The following GRK5 variants were observed in gnomAD, a reference collection of about 807,000 sequenced individuals.
GRK5 encodes the protein G protein-coupled receptor kinase 5.
GRK5 carries 40 observed loss-of-function variants against 78.4 expected under a neutral mutation model. That is an observed-to-expected ratio of 0.51 (90% CI 0.40 to 0.66). GRK5 has a LOEUF of 0.66. GRK5 is among the 30% of genes least tolerant of loss of function. The pLI, the probability that GRK5 is intolerant of heterozygous loss-of-function variation, is 0.00. For synonymous variants in GRK5, 289 were observed against 296.8 expected, an observed-to-expected ratio of 0.97 and a Z score of 0.27; for missense variants, 598 against 759.9, an observed-to-expected ratio of 0.79 and a Z score of 2.50.
intron 1 of GRK5, among the ~76,000 whole-genome samples, chr10:119,303,475 A>G (rs1850219247): frequency 6.6e-6 from 1 of 152,146 alleles, no homozygotes; most frequent in Admixed American, 6.5e-5. Context: ...TGCGATGAGC[A>G]TGAGCCGCAA....
intron 3 of GRK5, among the ~76,000 whole-genome samples, chr10:119,385,764 C>T (rs74157669): frequency 0.015 from 2,325 of 152,252 alleles, 61 homozygotes; most frequent in African/African-American, 0.052. Context: ...TTTAGGCACA[C>T]GCGCCTTGGG....
At chr10:119,247,327 G>C (rs1400744933) in intron 1 of GRK5, among the ~76,000 whole-genome samples, 1 of 152,208 alleles carries the variant, frequency 6.6e-6, no homozygotes, top group East Asian at 1.9e-4. Flanking sequence ...TGACCTGGAG[G>C]CTGGATTTAA....
chr10:119,219,140 G>A (rs376046490), intron 1 of GRK5, among the ~76,000 whole-genome samples: 1 of 151,932 alleles, frequency 6.6e-6, no homozygotes, highest in Non-Finnish European at 1.5e-5. Flanking sequence ...TCCCTGCCTC[G>A]GCCTCCCAAA....
At chr10:119,245,743 C>T (rs540817507) in intron 1 of GRK5, among the ~76,000 whole-genome samples, 5 of 152,146 alleles carry the variant, frequency 3.3e-5, no homozygotes, top group South Asian at 4.2e-4. Flanking sequence ...TAAGGCCGGG[C>T]GCGGTGGCTC....
intron 4 of GRK5, among the ~76,000 whole-genome samples, chr10:119,407,605 A>G (rs1000954187): frequency 3.9e-5 from 6 of 152,256 alleles, no homozygotes; most frequent in Non-Finnish European, 2.9e-5. Flanking sequence ...CACCTACTGT[A>G]TGCGACATGC....
intron 2 of GRK5, among the ~76,000 whole-genome samples, chr10:119,345,924 CT>C (rs1205304483): frequency 6.6e-6 from 1 of 151,888 alleles, no homozygotes; most frequent in Non-Finnish European, 1.5e-5. Flanking sequence ...GCTGCATCCT[CT>C]GTCCTCTCCA....
intron 1 of GRK5, among the ~76,000 whole-genome samples, chr10:119,246,779 C>T (rs913276183): frequency 6.6e-6 from 1 of 152,206 alleles, no homozygotes; most frequent in Non-Finnish European, 1.5e-5. Flanking sequence ...CTGCACCTTC[C>T]AAAGCAGGTG....
At chr10:119,402,105 A>G (rs1419934210) in intron 4 of GRK5, among the ~76,000 whole-genome samples, 1 of 152,166 alleles carries the variant, frequency 6.6e-6, no homozygotes, top group Non-Finnish European at 1.5e-5. Context: ...AGCAACACTC[A>G]TCACTTCCTC....
In GRK5 at chr10:119,431,731, C is replaced by T. The variant is rs944583319; in HGVS notation, c.738+204C>T. Among the ~76,000 whole-genome samples the T allele has an allele frequency of 3.3e-5, 5 of 152,240 alleles. No homozygotes were observed. The highest frequency in any genetic ancestry group is 5.9e-5 in the Non-Finnish European group (4 of 68,040). On this transcript the variant is annotated intron_variant, in intron 8 of 15. Coordinates refer to ENST00000392870, the MANE Select transcript of GRK5 (RefSeq NM_005308.3). The surrounding 1 kb of genome is among the most constrained non-coding windows in gnomAD (Gnocchi z 4.8). ...TGGTCGACTGTGGCTGGCTTTGTCC[C>T]ATCCCCAGAGCCGGCCAGTGCCTGG...
In GRK5 at chr10:119,207,989, C is replaced by A. The variant is rs924078874; in HGVS notation, c.52+20C>A. ...GGGAAGGTAAGAGGCAGGGCCGGTA[C>A]GTGCCCGGCGCGTCCGCCGCGGGCC... is the stretch of plus-strand genomic sequence containing the variant. On this transcript the variant is annotated intron_variant, in intron 1 of 15. Transcript: ENST00000392870. The A allele has an allele frequency of 3.8e-6, 6 of 1,598,932 alleles. No homozygotes were observed. The African/African-American group carries it at 6.9e-5, about 18-fold the overall frequency.
chr10:119,311,914 ATTTT>A (rs1554905357), intron 1 of GRK5, among the ~76,000 whole-genome samples: 106 of 137,820 alleles, frequency 7.7e-4, no homozygotes, highest in African/African-American at 2.6e-3. Context: ...TGAATTGTTC[ATTTT>A]TTTTTTTTTT....
intron 3 of GRK5, among the ~76,000 whole-genome samples, chr10:119,390,990 C>T (rs1483305868): frequency 6.6e-6 from 1 of 152,214 alleles, no homozygotes; most frequent in African/African-American, 2.4e-5. Context: ...AGATGCAGCC[C>T]CCCTTCCCTC....
intron 1 of GRK5, among the ~76,000 whole-genome samples, chr10:119,256,283 C>CCA (rs1564865713): frequency 6.6e-6 from 1 of 152,118 alleles, no homozygotes; most frequent in Admixed American, 6.5e-5. Context: ...GCGGACCCCC[C>CCA]CACACACCTC....
chr10:119,288,559 C>T (rs1849897279), intron 1 of GRK5, among the ~76,000 whole-genome samples: 1 of 152,226 alleles, frequency 6.6e-6, no homozygotes, highest in Admixed American at 6.5e-5. Flanking sequence ...TGTGACCCTG[C>T]CCTGGAGTGG....
chr10:119,293,660 C>T (rs1416031279), intron 1 of GRK5, among the ~76,000 whole-genome samples: 3 of 151,884 alleles, frequency 2.0e-5, no homozygotes, highest in Non-Finnish European at 1.5e-5. Flanking sequence ...TGGGCCTCCT[C>T]GTCACTGCCC....
chr10:119,448,379 C>T, intron 13 of GRK5, 119 bp downstream of exon 13: 1 of 1,179,316 alleles, frequency 8.5e-7, no homozygotes, highest in Non-Finnish European at 1.2e-6. Context: ...TTTGTGGGGA[C>T]CAGGGTCCCC....
chr10:119,393,283 G>A (rs11198904), intron 3 of GRK5, among the ~76,000 whole-genome samples: 59,485 of 152,262 alleles, frequency 0.39, 12,941 homozygotes, highest in Non-Finnish European at 0.47. Context: ...GCCTGTCCCC[G>A]CGTGCTCCCT....
At chr10:119,283,231 A>T (rs1194461131) in intron 1 of GRK5, among the ~76,000 whole-genome samples, 1 of 152,092 alleles carries the variant, frequency 6.6e-6, no homozygotes, top group East Asian at 1.9e-4. Context: ...TAATGCTAGG[A>T]TTTATAGGAA....
intron 3 of GRK5, among the ~76,000 whole-genome samples, chr10:119,394,260 C>CTATGTGTG (rs1564916856): frequency 2.0e-4 from 1 of 4,978 alleles, no homozygotes; most frequent in Non-Finnish European, 3.6e-4. Context: ...GTGGATGTAT[C>CTATGTGTG]TGTGTGTGTG....
Sources: allele counts gnomAD v4.1 joint callset (sites outside exome capture counted in the v4.1 genomes callset), GRCh38; gene constraint gnomAD v4.1.1; non-coding constraint Gnocchi (gnomAD v3.1); transcripts MANE v1.5; gene names NCBI Gene and HGNC (gene_info 2026-07-23, HGNC 2026-07-21).